Variants in HSPBP1 observed in about 807,000 individuals in gnomAD.
HSPBP1 encodes HSPA (Hsp70) binding protein 1.
In HSPBP1, 31 loss-of-function variants were observed where a neutral mutation model predicts 41.7. The ratio of observed to expected loss-of-function variants is 0.74; its 90% CI spans 0.56 to 1.00. HSPBP1 has a LOEUF of 1.00. Among genes scored for constraint, HSPBP1 ranks in the 50% least tolerant of loss-of-function variants. The pLI, the probability that HSPBP1 is intolerant of heterozygous loss-of-function variation, is 0.00. For synonymous variants in HSPBP1, 199 were observed against 214.4 expected (o/e 0.93, Z 0.63); for missense variants, 439 against 487.9 (o/e 0.90, Z 0.94).
intron 3 of HSPBP1, 107 bp from the exon 4 acceptor site, chr19:55,274,729 GT>G (rs1212703116): frequency 6.7e-6 from 6 of 901,918 alleles, no homozygotes; most frequent in Non-Finnish European, 1.0e-5. Context: ...GAATGTGACT[GT>G]TTTTGGAGAT....
At chr19:55,275,319 C>T (rs1408508840) in intron 3 of HSPBP1, among the ~76,000 whole-genome samples, 1 of 152,128 alleles carries the variant, frequency 6.6e-6, no homozygotes, top group Non-Finnish European at 1.5e-5. Flanking sequence ...AATACAGATT[C>T]CCCGTGACCC....
chr19:55,270,702 C>T lies in HSPBP1; in HGVS notation c.640+3696G>A, dbSNP rs940098074. Among the ~76,000 whole-genome samples the T allele has an allele frequency of 6.6e-6, 1 of 151,936 alleles. No homozygotes were observed. The highest frequency in any genetic ancestry group is 2.4e-5 in the African/African-American group (1 of 41,344). ...CACATACCACACACGACACACTCCA[C>T]ATAAGCACACACCACACACCCCGTA... On this transcript the variant is annotated intron_variant, in intron 4 of 7. Transcript: ENST00000433386. The surrounding 1 kb of genome is among the most constrained non-coding windows in gnomAD (Gnocchi z 5.4).
At chr19:55,274,343 CG>C in intron 4 of HSPBP1, 54 bp downstream of exon 4, 1 of 639,920 alleles carries the variant, frequency 1.6e-6, no homozygotes, top group Non-Finnish European at 2.6e-6. Flanking sequence ...GGGGCCCACC[CG>C]GCACCCCCCC....
Position 55,274,583 on chromosome 19 carries a change from C to A in HSPBP1, c.455G>T (p.Arg152Leu). Residue 152 changes from arginine to leucine, a missense_variant, in exon 4 of 8, where the codon CGG (arginine) becomes CTG (leucine). Transcript: ENST00000433386. ...TCCCGCAGCCCCCGCCTCCAGGTACCGGCCCACCAGCAGGTGCATGCCAGA... is the reference window on the plus strand; with the variant it reads ...TCCCGCAGCCCCCGCCTCCAGGTACAGGCCCACCAGCAGGTGCATGCCAGA... Reference protein sequence around the residue: ...QLSGMHLLVGRYLEAGAAGLR... With the variant: ...QLSGMHLLVGLYLEAGAAGLR... The A allele has an allele frequency of 6.2e-7, 1 of 1,608,332 alleles. No individual in the cohort carries two copies. The highest frequency in any genetic ancestry group is 8.5e-7 in the Non-Finnish European group (1 of 1,179,548).
intron 4 of HSPBP1, among the ~76,000 whole-genome samples, chr19:55,269,065 C>T (rs2087856334): frequency 6.6e-6 from 1 of 152,158 alleles, no homozygotes; most frequent in Non-Finnish European, 1.5e-5. Context: ...CAAGGCCTGT[C>T]AGCTCTACCT....
chr19:55,267,180 C>A (rs916603112), intron 4 of HSPBP1, among the ~76,000 whole-genome samples: 1 of 152,182 alleles, frequency 6.6e-6, no homozygotes, highest in East Asian at 1.9e-4. Flanking sequence ...GATGGACTCT[C>A]GTTCTGTTGC....
chr19:55,265,161 CTGGCACCTGATCCTCCTCGAACCCCAT>C, intron 7 of HSPBP1, 90 bp downstream of exon 7: 3 of 624,878 alleles, frequency 4.8e-6, no homozygotes, highest in South Asian at 4.2e-5. Flanking sequence ...TCCCCTCCCC[CTGGCACCTGATCCTCCTCGAACCCCAT>C]CCCCTCCCCA....
At position 55,272,282 on chromosome 19, in the gene HSPBP1, G is replaced by A. The variant is rs557634486; in HGVS notation, c.640+2116C>T. ...ACAGGCGGAGGAAGAGGCAGGGCACGGTGGACCCACGCAACAGGACACATT... is the reference window on the plus strand; with the variant it reads ...ACAGGCGGAGGAAGAGGCAGGGCACAGTGGACCCACGCAACAGGACACATT... On this transcript the variant is annotated intron_variant, in intron 4 of 7. Transcript: ENST00000433386. The surrounding 1 kb of genome is among the most constrained non-coding windows in gnomAD (Gnocchi z 4.2). Among the ~76,000 whole-genome samples, 17 of 152,232 alleles carry A rather than the reference G, an allele frequency of 1.1e-4. No individual in the cohort carries two copies. In the South Asian group the frequency reaches 2.7e-3, roughly 24 times the overall value.
rs1600126664 is a variant in HSPBP1, at chr19:55,262,790, C to G, written c.1006-108G>C. ...ACTCCTCTTCTCTCCTGGCCACCAC[C>G]CACTCCCCCCCACCAGAGGTTAGGC... On this transcript the variant is annotated intron_variant, in intron 7 of 7. Coordinates refer to ENST00000433386, the MANE Select transcript of HSPBP1 (RefSeq NM_012267.5). 19 of 905,388 alleles carry G rather than the reference C, an allele frequency of 2.1e-5. No individual in the cohort carries two copies. The East Asian group carries it at 5.1e-4, about 24-fold the overall frequency. The allele number at this position is 905,388 out of a possible 1,614,324, so 56.1% of individuals were successfully genotyped here. A position where few individuals can be genotyped will look rare whatever the true frequency, so the allele number is the denominator to read the frequency against.
rs751846914 is a variant in HSPBP1, at chr19:55,262,619, T to C, written c.1069A>G (p.Met357Val). 3 of 1,613,912 alleles carry C rather than the reference T, an allele frequency of 1.9e-6. No individual in the cohort carries two copies. The highest frequency in any genetic ancestry group is 2.2e-5 in the South Asian group (2 of 91,006). The change falls in exon 8 of 8, where the codon ATG (methionine) becomes GTG (valine). Residue 357 changes from methionine (M) to valine (V), a missense_variant. Coordinates refer to ENST00000433386, the MANE Select transcript of HSPBP1 (RefSeq NM_012267.5). ...TCFSSPADDS[M>V]DR ...GAAGCCACCTGGTTTCACCGATCCATGCTGTCGTCCGCTGGGCTGGAGAAA... is the reference window on the plus strand; with the variant it reads ...GAAGCCACCTGGTTTCACCGATCCACGCTGTCGTCCGCTGGGCTGGAGAAA...
chr19:55,262,389 G>C lies in HSPBP1; in HGVS notation c.*219C>G. ...ACACCTTTATTGGAAGAGCTGTGTG[G>C]ACAAGAGAACGGGGATGAGAGTGAG... On this transcript the variant is annotated 3_prime_UTR_variant, in exon 8 of 8. Transcript: ENST00000433386. 3.6e-6 allele frequency: 5 copies of C among 1,383,624 alleles called. No individual in the cohort carries two copies. The African/African-American group carries it at 4.4e-5, about 12-fold the overall frequency. The allele number at this position is 1,383,624 out of a possible 1,614,324, so 85.7% of individuals were successfully genotyped here.
At position 55,272,971 on chromosome 19, in the gene HSPBP1, C is replaced by T. The variant is rs577700023; in HGVS notation, c.640+1427G>A. ...GATGATGGCTGCACAGCACTGAATACACTAAGAAGTACTACGTTGTTTTTC... is the reference window on the plus strand; with the variant it reads ...GATGATGGCTGCACAGCACTGAATATACTAAGAAGTACTACGTTGTTTTTC... On this transcript the variant is annotated intron_variant, in intron 4 of 7. Transcript: ENST00000433386. The surrounding 1 kb of genome is among the most constrained non-coding windows in gnomAD (Gnocchi z 4.2). Among the ~76,000 whole-genome samples the T allele has an allele frequency of 6.6e-6, 1 of 152,260 alleles. No homozygotes were observed. The highest frequency in any genetic ancestry group is 1.5e-5 in the Non-Finnish European group (1 of 68,022).
chr19:55,265,616 G>C (rs919606140), intron 6 of HSPBP1, among the ~76,000 whole-genome samples: 2 of 152,060 alleles, frequency 1.3e-5, no homozygotes, highest in African/African-American at 4.8e-5. Flanking sequence ...CTGGTGTGCT[G>C]TTGAGAGCTC....
At position 55,276,940 on chromosome 19, in the gene HSPBP1, A is replaced by C. The variant is rs2088089454; in HGVS notation, c.415+702T>G. Reference sequence around the variant, plus strand: ...CTCGGCCCAGCCTGCGTACAAGAGGAAGTAATCAGGACCTGCCCAAACCAG... The same window carrying C: ...CTCGGCCCAGCCTGCGTACAAGAGGCAGTAATCAGGACCTGCCCAAACCAG... On this transcript the variant is annotated intron_variant, in intron 3 of 7. Coordinates refer to ENST00000433386, the MANE Select transcript of HSPBP1 (RefSeq NM_012267.5). Among the ~76,000 whole-genome samples the C allele has an allele frequency of 2.0e-5, 3 of 152,086 alleles. No homozygotes were observed. In the South Asian group the frequency reaches 6.2e-4, roughly 32 times the overall value.
intron 3 of HSPBP1, among the ~76,000 whole-genome samples, chr19:55,276,165 C>T (rs990458553): frequency 4.6e-5 from 7 of 151,366 alleles, no homozygotes; most frequent in Admixed American, 1.3e-4. Context: ...ATGGGCACGC[C>T]GCCTTTAGCA....
Position 55,279,733 on chromosome 19 carries a change from C to A in HSPBP1, c.-94-31G>T, listed in dbSNP as rs972057728. 3 of 1,534,664 alleles carry A rather than the reference C, an allele frequency of 2.0e-6. No homozygotes were observed. In the African/African-American group the frequency reaches 4.1e-5, roughly 21 times the overall value. ...GAGAAGGCGGCGTTTCAGGGGAGCT[C>A]GGCGACCCCCCATGACCCCAAACCA... On this transcript the variant is annotated intron_variant, in intron 1 of 7. Coordinates refer to ENST00000433386, the MANE Select transcript of HSPBP1 (RefSeq NM_012267.5).
At position 55,277,677 on chromosome 19, in the gene HSPBP1, A is replaced by T. The variant is rs1251666507; in HGVS notation, c.380T>A (p.Leu127Gln). The change falls in exon 3 of 8, where the codon CTG (leucine) becomes CAG (glutamine). Residue 127 changes from leucine to glutamine, a missense_variant. By Grantham distance (113) the Leu-to-Gln change is moderately radical. Transcript: ENST00000433386. ...QQEREGALEL[L>Q]ADLCENMDNA... Reference sequence around the variant, plus strand: ...GTCCATGTTCTCACACAGGTCGGCCAGCAGCTCCAGGGCCCCCTCTCGCTC... The same window carrying T: ...GTCCATGTTCTCACACAGGTCGGCCTGCAGCTCCAGGGCCCCCTCTCGCTC... 1 of 1,606,470 alleles carries T rather than the reference A, an allele frequency of 6.2e-7. No individual in the cohort carries two copies.
intron 7 of HSPBP1, 49 bp from the exon 8 acceptor site, chr19:55,262,731 A>C (rs1600126524): frequency 6.5e-7 from 1 of 1,540,120 alleles, no homozygotes; most frequent in Non-Finnish European, 8.9e-7. Flanking sequence ...CAGAGGCCGG[A>C]CCCTGCCTCC....
chr19:55,263,392 A>G (rs1181109108), intron 7 of HSPBP1, among the ~76,000 whole-genome samples: 1 of 152,208 alleles, frequency 6.6e-6, no homozygotes, highest in Non-Finnish European at 1.5e-5. Flanking sequence ...TCAATGGTTG[A>G]ACTTCTATGG....
Sources: allele counts gnomAD v4.1 joint callset (sites outside exome capture counted in the v4.1 genomes callset), GRCh38; gene constraint gnomAD v4.1.1; non-coding constraint Gnocchi (gnomAD v3.1); transcripts MANE v1.5; gene names NCBI Gene and HGNC (gene_info 2026-07-23, HGNC 2026-07-21).